The following UGT2A1 variants were observed in gnomAD, a reference collection of about 807,000 sequenced individuals.
The protein encoded by UGT2A1 is UDP glucuronosyltransferase family 2 member A1 complex locus.
In UGT2A1, 61 loss-of-function variants were observed where a neutral mutation model predicts 45.4. The ratio of observed to expected loss-of-function variants is 1.34; its 90% CI spans 1.09 to 1.66. The LOEUF is 1.66. Ranked by LOEUF, UGT2A1 falls within the 40% of genes most tolerant of loss-of-function variation. The pLI, the probability that UGT2A1 is intolerant of heterozygous loss-of-function variation, is 0.00. For missense variants in UGT2A1, 649 were observed against 574.3 expected (o/e 1.13, Z -1.33); for synonymous variants, 229 against 196.2 (o/e 1.17, Z -1.40).
chr4:69,634,152 G>C (rs1721544781), intron 3 of UGT2A1, among the ~76,000 whole-genome samples: 1 of 152,112 alleles, frequency 6.6e-6, no homozygotes. Context: ...GGCTGAGGCA[G>C]GAGAATGGCG....
chr4:69,638,830 G>A (rs1457708913), intron 2 of UGT2A1: 44 of 1,451,040 alleles, frequency 3.0e-5, no homozygotes, highest in East Asian at 9.9e-5. Context: ...AATGGAAATC[G>A]TTTGCCATAT....
At chr4:69,634,162 G>A (rs1037610047) in intron 3 of UGT2A1, among the ~76,000 whole-genome samples, 23 of 151,812 alleles carry the variant, frequency 1.5e-4, no homozygotes, top group Non-Finnish European at 7.4e-5. Context: ...GGAGAATGGC[G>A]TGAACCCGGG....
chr4:69,631,977 C>T (rs1387429379), intron 3 of UGT2A1, among the ~76,000 whole-genome samples: 1 of 152,068 alleles, frequency 6.6e-6, no homozygotes, highest in Non-Finnish European at 1.5e-5. Context: ...AATATAAGCA[C>T]CACAGTTTGT....
chr4:69,604,963 A>T lies in UGT2A1; in HGVS notation c.848-5569T>A, dbSNP rs1719518308. ...AGAAAGAGACTTAGACTCCCACACA[A>T]TAATAATGAGAGACTTTGACACCCC... On this transcript the variant is annotated intron_variant, in intron 3 of 6. Transcript: ENST00000286604. 1.5e-5 allele frequency among the ~76,000 whole-genome samples: 2 copies of T among 136,502 alleles called. 1 individual carries two copies. Among genetic ancestry groups the T allele is most frequent in the African/African-American group, 5.9e-5 (2 of 33,614 alleles). 89.6% of individuals were successfully genotyped at this position (136,502 alleles called of 152,430 possible).
At chr4:69,639,859 G>A (rs531183350) in intron 2 of UGT2A1, among the ~76,000 whole-genome samples, 66 of 152,026 alleles carry the variant, frequency 4.3e-4, no homozygotes, top group South Asian at 3.5e-3. Flanking sequence ...AAGGAAGCAC[G>A]GGGTTATAAA....
In UGT2A1 at chr4:69,647,664, G is replaced by T; in HGVS notation, c.-20C>A. The T allele has an allele frequency of 6.9e-7, 1 of 1,447,858 alleles. No individual in the cohort carries two copies. Among genetic ancestry groups the T allele is most frequent in the Non-Finnish European group, 9.3e-7 (1 of 1,074,492 alleles). 89.7% of individuals were successfully genotyped at this position (1,447,858 alleles called of 1,614,324 possible). On this transcript the variant is annotated 5_prime_UTR_variant, in exon 2 of 7. Coordinates refer to ENST00000286604, the MANE Select transcript of UGT2A1 (RefSeq NM_001252275.3). ...TAACATGATGTGGCTTGATGCAGAA[G>T]ATTTGATGAGATGTGAAGCAAATGT...
chr4:69,649,730 T>G (rs1277058558), intron 1 of UGT2A1, among the ~76,000 whole-genome samples: 1 of 152,100 alleles, frequency 6.6e-6, no homozygotes, highest in Non-Finnish European at 1.5e-5. Flanking sequence ...TGAGCATGTT[T>G]CTTTCCTTTT....
At position 69,651,932 on chromosome 4, in the gene UGT2A1, C is replaced by T. The variant is rs548441427; in HGVS notation, c.-55+1256G>A. ...TAAGGGAAGAATCATGGAAAAGAGG[C>T]GAGCCTATAAAGTCCTAGGATCGAG... On this transcript the variant is annotated intron_variant, in intron 1 of 6. Coordinates refer to ENST00000286604, the MANE Select transcript of UGT2A1 (RefSeq NM_001252275.3). Among the ~76,000 whole-genome samples, 70 of 152,252 alleles carry T rather than the reference C, an allele frequency of 4.6e-4. No individual in the cohort carries two copies. In the Middle Eastern group the frequency reaches 0.01, roughly 22 times the overall value.
At chr4:69,637,093 T>G (rs191703369) in intron 2 of UGT2A1, among the ~76,000 whole-genome samples, 61 of 152,266 alleles carry the variant, frequency 4.0e-4, no homozygotes, top group Admixed American at 1.2e-3. Context: ...TGAGACATAC[T>G]CATGTGAATT....
At chr4:69,606,160 G>T (rs190747710) in intron 3 of UGT2A1, among the ~76,000 whole-genome samples, 24,588 of 135,136 alleles carry the variant, frequency 0.18, 5,857 homozygotes, top group Non-Finnish European at 0.22. Context: ...TGAACATCGA[G>T]GCAAAAATCC....
rs970985405 is a variant in UGT2A1, at chr4:69,649,705, T to TATACAC, written c.-54-2008_-54-2007insGTGTAT. On this transcript the variant is annotated intron_variant, in intron 1 of 6. Transcript: ENST00000286604. Reference sequence around the variant, plus strand: ...AAAGACATATACATATACATATACATGCTGTGGGCTTCAGTGAGCATGTTT... The same window carrying TATACAC: ...AAAGACATATACATATACATATACATATACACGCTGTGGGCTTCAGTGAGCATGTTT... Among the ~76,000 whole-genome samples, 16 of 152,046 alleles carry TATACAC rather than the reference T, an allele frequency of 1.1e-4. 5 individuals carry two copies. The highest frequency in any genetic ancestry group is 2.0e-4 in the Admixed American group (3 of 15,238).
chr4:69,596,508 A>T (rs778611606), intron 4 of UGT2A1: 42 of 1,272,986 alleles, frequency 3.3e-5, no homozygotes, highest in Non-Finnish European at 3.9e-5. Flanking sequence ...CTGTCTTCTG[A>T]CATGTAGAAA....
Position 69,589,612 on chromosome 4 carries a change from A to T in UGT2A1, c.1344T>A (p.His448Gln). Residue 448 changes from histidine to glutamine, a missense_variant, in exon 7 of 7, where the codon CAT (histidine) becomes CAA (glutamine). Transcript: ENST00000286604. ...ENAMRLSRIH[H>Q]DQPVKPLDRA... ...GATCCAGGGGCTTTACAGGTTGATC[A>T]TGGTGAATTCTTGATAACCTCATAG... 6.2e-7 allele frequency: 1 copy of T among 1,613,952 alleles called. No homozygotes were observed. Among genetic ancestry groups the T allele is most frequent in the Non-Finnish European group, 8.5e-7 (1 of 1,179,862 alleles).
intron 6 of UGT2A1, among the ~76,000 whole-genome samples, chr4:69,592,004 G>T (rs1310376264): frequency 6.6e-6 from 1 of 152,142 alleles, no homozygotes; most frequent in Non-Finnish European, 1.5e-5. Context: ...TTGGAATGTG[G>T]ATGGGGAGCA....
At chr4:69,600,415 A>G (rs1719210722) in intron 3 of UGT2A1, among the ~76,000 whole-genome samples, 1 of 152,160 alleles carries the variant, frequency 6.6e-6, no homozygotes, top group Non-Finnish European at 1.5e-5. Flanking sequence ...AGAGCTCCCA[A>G]CTGAGAATCA....
intron 6 of UGT2A1, among the ~76,000 whole-genome samples, chr4:69,593,158 A>G (rs747269959): frequency 2.2e-4 from 33 of 152,142 alleles, no homozygotes; most frequent in Non-Finnish European, 2.4e-4. Context: ...GCTAAACATT[A>G]TCTCAGAGAA....
chr4:69,645,010 T>C (rs1722191882), intron 2 of UGT2A1, among the ~76,000 whole-genome samples: 1 of 151,744 alleles, frequency 6.6e-6, no homozygotes, highest in Non-Finnish European at 1.5e-5. Flanking sequence ...CGCAACCCAC[T>C]GTTTTACACA....
intron 2 of UGT2A1, among the ~76,000 whole-genome samples, chr4:69,645,879 C>T (rs559617394): frequency 2.0e-5 from 3 of 151,856 alleles, no homozygotes; most frequent in African/African-American, 4.8e-5. Context: ...AAATATCCAT[C>T]GCACCTGTGC....
In UGT2A1 at chr4:69,589,037, T is replaced by C. The variant is rs778394813; in HGVS notation, c.*335A>G. On this transcript the variant is annotated 3_prime_UTR_variant, in exon 7 of 7. Transcript: ENST00000286604. Reference sequence around the variant, plus strand: ...TTACCAGGATTCAGCATATTGTTAATCATTAATTAAGGTTAACGATAAAAT... The same window carrying C: ...TTACCAGGATTCAGCATATTGTTAACCATTAATTAAGGTTAACGATAAAAT... The C allele has an allele frequency of 1.6e-5, 3 of 189,650 alleles. No individual in the cohort carries two copies. Among genetic ancestry groups the C allele is most frequent in the African/African-American group, 4.7e-5 (2 of 42,206 alleles). The allele number at this position is 189,650 out of a possible 1,614,324, so 11.7% of individuals were successfully genotyped here. A position where few individuals can be genotyped will look rare whatever the true frequency, so the allele number is the denominator to read the frequency against.
Sources: allele counts gnomAD v4.1 joint callset (sites outside exome capture counted in the v4.1 genomes callset), GRCh38; gene constraint gnomAD v4.1.1; transcripts MANE v1.5; gene names NCBI Gene and HGNC (gene_info 2026-07-23, HGNC 2026-07-21).